The following PLCZ1 variants were observed in gnomAD, a reference collection of about 807,000 sequenced individuals.
The protein encoded by PLCZ1 is 1-phosphatidylinositol 4,5-bisphosphate phosphodiesterase zeta-1.
A neutral mutation model predicts 76.8 loss-of-function variants in PLCZ1; 64 were observed. The observed-to-expected ratio is 0.83, with a 90% CI of 0.68 to 1.03. The LOEUF is 1.03. Among genes scored for constraint, PLCZ1 ranks in the 50% least tolerant of loss-of-function variants. The pLI is 0.00. For synonymous variants in PLCZ1, 248 were observed against 230.8 expected (o/e 1.07, Z -0.68); for missense variants, 751 against 713.7 (o/e 1.05, Z -0.60).
chr12:18,728,173 A>C (rs930116998), intron 3 of PLCZ1, among the ~76,000 whole-genome samples: 14 of 152,224 alleles, frequency 9.2e-5, no homozygotes, highest in Admixed American at 2.0e-4. Context: ...AATAGAGGAA[A>C]ACAATATGCT....
intron 12 of PLCZ1, 47 bp downstream of exon 12, chr12:18,694,861 TAG>T (rs2137165724): frequency 7.3e-7 from 1 of 1,370,890 alleles, no homozygotes; most frequent in East Asian, 2.4e-5. Context: ...GTACACTATC[TAG>T]TTTATATAAT....
At chr12:18,726,681 T>C (rs1265854177) in intron 3 of PLCZ1, among the ~76,000 whole-genome samples, 5 of 152,186 alleles carry the variant, frequency 3.3e-5, no homozygotes, top group Non-Finnish European at 7.3e-5. Context: ...AGTAAAAATA[T>C]GAAATGTTAT....
chr12:18,690,153 T>C (rs1253992528), intron 12 of PLCZ1, among the ~76,000 whole-genome samples: 1 of 152,180 alleles, frequency 6.6e-6, no homozygotes, highest in Non-Finnish European at 1.5e-5. Flanking sequence ...AACCTAGATA[T>C]ATTGGGCATA....
intron 4 of PLCZ1, among the ~76,000 whole-genome samples, chr12:18,721,840 T>C (rs560705135): frequency 3.1e-4 from 47 of 152,004 alleles, no homozygotes; most frequent in African/African-American, 8.9e-4. Context: ...TGAGACCAAA[T>C]TGTCACTAAG....
At chr12:18,732,208 G>A (rs1280085360) in intron 3 of PLCZ1, among the ~76,000 whole-genome samples, 2 of 152,100 alleles carry the variant, frequency 1.3e-5, no homozygotes, top group Non-Finnish European at 2.9e-5. Context: ...CTAGAGAGCA[G>A]CGGTGCCATC....
intron 13 of PLCZ1, among the ~76,000 whole-genome samples, chr12:18,684,990 TAA>T (rs1451804559): frequency 6.6e-6 from 1 of 152,046 alleles, no homozygotes; most frequent in Non-Finnish European, 1.5e-5. Context: ...ACCATGATTC[TAA>T]GTTTCCTGAG....
Position 18,723,704 on chromosome 12 carries a change from C to T in PLCZ1, c.136-162G>A, listed in dbSNP as rs555902835. 2.0e-4 allele frequency among the ~76,000 whole-genome samples: 31 copies of T among 152,026 alleles called. No individual in the cohort carries two copies. In the South Asian group the frequency reaches 6.0e-3, roughly 29 times the overall value. Reference sequence around the variant, plus strand: ...AAATATACAAAGCTGCATGGAGTGACGTCAAAATTGGAAAAGGGTTAGTTA... The same window carrying T: ...AAATATACAAAGCTGCATGGAGTGATGTCAAAATTGGAAAAGGGTTAGTTA... On this transcript the variant is annotated intron_variant, in intron 3 of 14. Transcript: ENST00000266505.
At chr12:18,694,091 T>C (rs1954573670) in intron 12 of PLCZ1, 4 of 1,134,252 alleles carry the variant, frequency 3.5e-6, no homozygotes, top group Non-Finnish European at 5.3e-6. Context: ...TGAGGGGCTG[T>C]ATCTCTAGTG....
At chr12:18,673,199 T>C in the PLCZ1 span, among the ~76,000 whole-genome samples, 3 of 152,130 alleles carry the variant, frequency 2.0e-5, no homozygotes, top group South Asian at 4.1e-4. Flanking sequence ...CTGCCCCTCA[T>C]AAAGGGTACA....
chr12:18,702,762 C>G (rs1301105257), intron 7 of PLCZ1, among the ~76,000 whole-genome samples: 3 of 150,828 alleles, frequency 2.0e-5, no homozygotes, highest in African/African-American at 7.3e-5. Flanking sequence ...CCTCCTTTAA[C>G]AAGTCTCTAG....
chr12:18,727,830 A>G (rs1035248013), intron 3 of PLCZ1, among the ~76,000 whole-genome samples: 2 of 152,190 alleles, frequency 1.3e-5, no homozygotes, highest in Admixed American at 6.5e-5. Context: ...CAACTTTGAT[A>G]TGCATATGAG....
At chr12:18,679,445 C>T (rs1024747420), downstream of PLCZ1, among the ~76,000 whole-genome samples, 2 of 151,884 alleles carry the variant, frequency 1.3e-5, no homozygotes, top group African/African-American at 4.8e-5. Context: ...AGGTTTATGA[C>T]CCATTTTGAG....
intron 6 of PLCZ1, 151 bp from the exon 7 acceptor site, chr12:18,705,466 G>T (rs1592148170): frequency 1.1e-6 from 1 of 929,360 alleles, no homozygotes; most frequent in East Asian, 2.6e-5. Flanking sequence ...GTACTTTTGA[G>T]TTTGGCAAAA....
chr12:18,669,466 G>A, the PLCZ1 span, among the ~76,000 whole-genome samples: 1 of 152,124 alleles, frequency 6.6e-6, no homozygotes, highest in Middle Eastern at 3.2e-3. Context: ...CTGTCTTAAT[G>A]TGAACTGCTA....
At chr12:18,672,026 C>G in the PLCZ1 span, among the ~76,000 whole-genome samples, 2 of 152,090 alleles carry the variant, frequency 1.3e-5, no homozygotes, top group African/African-American at 2.4e-5. Flanking sequence ...CCACCAAAGG[C>G]CCCACCTACT....
Position 18,688,091 on chromosome 12 carries a change from T to C in PLCZ1, c.1589A>G (p.Asn530Ser), listed in dbSNP as rs982833347. The change falls in exon 13 of 15, where the codon AAT becomes AGT. Residue 530 changes from asparagine (N) to serine (S), a missense_variant and splice_region_variant. By Grantham distance (46) the Asn-to-Ser change is conservative. Coordinates refer to ENST00000266505, the MANE Select transcript of PLCZ1 (RefSeq NM_033123.4). ...AATAAGGTATATCAGGAGCTCACCA[T>C]TTTTTTTAATTACACGAGTCTGCTG... ...MKQQTRVIKK[N>S]AFSPRWNETF... 4 of 1,600,924 alleles carry C rather than the reference T, an allele frequency of 2.5e-6. No individual in the cohort carries two copies. Among genetic ancestry groups the C allele is most frequent in the African/African-American group, 1.3e-5 (1 of 74,602 alleles).
At chr12:18,660,957 T>C in the PLCZ1 span, among the ~76,000 whole-genome samples, 2 of 152,034 alleles carry the variant, frequency 1.3e-5, no homozygotes, top group South Asian at 4.1e-4. Context: ...TCAATAAAAA[T>C]ATAGAAAACC....
At chr12:18,690,021 C>T (rs1182264127) in intron 12 of PLCZ1, among the ~76,000 whole-genome samples, 3 of 152,134 alleles carry the variant, frequency 2.0e-5, no homozygotes, top group African/African-American at 7.2e-5. Flanking sequence ...CCTCAGAATA[C>T]AAACGTGGCA....
At chr12:18,687,549 T>A (rs1329295877) in intron 13 of PLCZ1, among the ~76,000 whole-genome samples, 1 of 152,148 alleles carries the variant, frequency 6.6e-6, no homozygotes, top group Non-Finnish European at 1.5e-5. Context: ...GCCAGAATGA[T>A]GAAAATCTTA....
Sources: gnomAD v4.1 joint callset for allele counts (sites outside exome capture counted in the v4.1 genomes callset) on GRCh38, gnomAD v4.1.1 for gene constraint, MANE v1.5 for transcripts, NCBI Gene and HGNC (gene_info 2026-07-23, HGNC 2026-07-21) for gene names.